The following CACNB2 variants were observed in gnomAD, a reference collection of about 807,000 sequenced individuals.
CACNB2 encodes voltage-dependent L-type calcium channel subunit beta-2.
In CACNB2, 42 loss-of-function variants were observed where a neutral mutation model predicts 73.3. That is an observed-to-expected ratio of 0.57 (90% confidence interval 0.45 to 0.74). The LOEUF (loss-of-function observed/expected upper bound fraction) is 0.74, where lower values mean the gene tolerates loss of function less well. CACNB2 is among the 30% of genes least tolerant of loss of function. CACNB2 has a pLI of 0.00. For synonymous variants in CACNB2, 348 were observed against 310.3 expected, an observed-to-expected ratio of 1.12 and a Z score of -1.28; for missense variants, 940 against 853.0, an observed-to-expected ratio of 1.10 and a Z score of -1.27.
At chr10:18,294,718 A>G (rs2039206972) in intron 2 of CACNB2, among the ~76,000 whole-genome samples, 1 of 152,254 alleles carries the variant, frequency 6.6e-6, no homozygotes, top group Non-Finnish European at 1.5e-5. Context: ...CTCAGATGCA[A>G]AGGCAGGAGT....
At chr10:18,415,427 A>AT in intron 3 of CACNB2, among the ~76,000 whole-genome samples, 1 of 152,028 alleles carries the variant, frequency 6.6e-6, no homozygotes, top group East Asian at 1.9e-4. Context: ...AACTGCACCA[A>AT]TATACTCCAG....
At chr10:18,337,215 G>C (rs908047945) in intron 2 of CACNB2, among the ~76,000 whole-genome samples, 1 of 151,632 alleles carries the variant, frequency 6.6e-6, no homozygotes, top group Non-Finnish European at 1.5e-5. Flanking sequence ...CTGCCCCCTC[G>C]ACTTCCTGGA....
intron 5 of CACNB2, among the ~76,000 whole-genome samples, chr10:18,504,001 T>G (rs1483524741): frequency 6.6e-6 from 1 of 152,196 alleles, no homozygotes; most frequent in Non-Finnish European, 1.5e-5. Context: ...TTGGGATGGA[T>G]TTTTGCAGAG....
At chr10:18,320,675 C>A (rs117067763) in intron 2 of CACNB2, among the ~76,000 whole-genome samples, 2 of 152,170 alleles carry the variant, frequency 1.3e-5, no homozygotes, top group East Asian at 3.9e-4. Flanking sequence ...TTGTATGTAA[C>A]CCACAGGGTT....
At chr10:18,223,430 T>C (rs987370190) in intron 2 of CACNB2, among the ~76,000 whole-genome samples, 1 of 152,100 alleles carries the variant, frequency 6.6e-6, no homozygotes, top group Non-Finnish European at 1.5e-5. Flanking sequence ...AGCAAAAGAG[T>C]ATTACACTAC....
intron 2 of CACNB2, among the ~76,000 whole-genome samples, chr10:18,248,332 T>C (rs968826182): frequency 6.6e-6 from 1 of 152,224 alleles, no homozygotes; most frequent in Non-Finnish European, 1.5e-5. Context: ...TTGGTGAGTG[T>C]CTGATTCATA....
chr10:18,262,042 T>C, intron 2 of CACNB2: 2 of 518,836 alleles, frequency 3.9e-6, no homozygotes, highest in African/African-American at 1.9e-5. Flanking sequence ...GAGCAGCTAC[T>C]CTATTTTCAG....
intron 2 of CACNB2, among the ~76,000 whole-genome samples, chr10:18,247,443 G>C (rs2036910836): frequency 6.6e-6 from 1 of 152,142 alleles, no homozygotes; most frequent in African/African-American, 2.4e-5. Flanking sequence ...AATAGTCAAT[G>C]TGTTAGTTTT....
At chr10:18,146,158 A>G (rs1391578412) in intron 1 of CACNB2, among the ~76,000 whole-genome samples, 2 of 152,178 alleles carry the variant, frequency 1.3e-5, no homozygotes, top group African/African-American at 4.8e-5. Context: ...GCTTATTCAC[A>G]CTAAGCTATT....
chr10:18,154,076 C>G (rs2031832661), intron 2 of CACNB2, among the ~76,000 whole-genome samples: 1 of 151,656 alleles, frequency 6.6e-6, no homozygotes. Context: ...CAGTTAGAGT[C>G]TACTATAGCC....
chr10:18,197,174 T>C (rs912381466), intron 2 of CACNB2, among the ~76,000 whole-genome samples: 2 of 152,174 alleles, frequency 1.3e-5, no homozygotes, highest in East Asian at 3.9e-4. Flanking sequence ...GGCCTGTGTT[T>C]CGTTCCTCGT....
chr10:18,364,091 C>A (rs747298559), intron 2 of CACNB2, among the ~76,000 whole-genome samples: 1 of 151,596 alleles, frequency 6.6e-6, no homozygotes, highest in Non-Finnish European at 1.5e-5. Context: ...GGATTACAGG[C>A]GCCTGCTACC....
At chr10:18,458,025 A>G (rs1274229378) in intron 3 of CACNB2, among the ~76,000 whole-genome samples, 3 of 152,246 alleles carry the variant, frequency 2.0e-5, no homozygotes, top group African/African-American at 7.2e-5. Context: ...CTACAGACAC[A>G]TTTCACTAAG....
chr10:18,141,170 A>G (rs1358090704), intron 1 of CACNB2: 3 of 1,339,934 alleles, frequency 2.2e-6, no homozygotes, highest in Non-Finnish European at 3.0e-6. Context: ...GGAGAGGCAC[A>G]TGGAGAGACA....
At chr10:18,335,591 AT>A (rs1311498858) in intron 2 of CACNB2, among the ~76,000 whole-genome samples, 1 of 152,140 alleles carries the variant, frequency 6.6e-6, no homozygotes, top group Non-Finnish European at 1.5e-5. Flanking sequence ...TCTCAAAAAA[AT>A]ATATACATAT....
intron 2 of CACNB2, among the ~76,000 whole-genome samples, chr10:18,175,545 C>T (rs1247077343): frequency 1.3e-5 from 2 of 152,144 alleles, no homozygotes; most frequent in African/African-American, 4.8e-5. Flanking sequence ...CTTTCACACA[C>T]ACACCCACTG....
At chr10:18,247,541 C>G (rs1400553901) in intron 2 of CACNB2, among the ~76,000 whole-genome samples, 1 of 152,030 alleles carries the variant, frequency 6.6e-6, no homozygotes, top group Non-Finnish European at 1.5e-5. Flanking sequence ...TGATTATATT[C>G]TTTCCATCAT....
At chr10:18,261,994 C>G (rs751294080) in intron 2 of CACNB2, 2 of 518,790 alleles carry the variant, frequency 3.9e-6, no homozygotes, top group East Asian at 1.1e-4. Context: ...CCGACCAGCT[C>G]CGAGCAAGCG....
At chr10:18,522,273 T>C (rs1222696838) in intron 9 of CACNB2, among the ~76,000 whole-genome samples, 1 of 151,940 alleles carries the variant, frequency 6.6e-6, no homozygotes, top group Non-Finnish European at 1.5e-5. Flanking sequence ...TATATTCCAG[T>C]GTAATAATAA....
Sources: gnomAD v4.1 joint callset for allele counts (sites outside exome capture counted in the v4.1 genomes callset) on GRCh38, gnomAD v4.1.1 for gene constraint, MANE v1.5 for transcripts, NCBI Gene and HGNC (gene_info 2026-07-23, HGNC 2026-07-21) for gene names.